Variants in EMID1 observed in about 807,000 individuals in gnomAD.
EMID1 encodes the protein EMI domain containing 1.
In EMID1, 40 loss-of-function variants were observed where a neutral mutation model predicts 60.6. The ratio of observed to expected loss-of-function variants is 0.66; its 90% CI spans 0.51 to 0.86. EMID1 has a LOEUF of 0.86. Ranked by LOEUF, EMID1 falls within the 40% of genes least tolerant of loss-of-function variation. The pLI, the probability that EMID1 is intolerant of heterozygous loss-of-function variation, is 0.00. For synonymous variants in EMID1, 242 were observed against 231.0 expected (o/e 1.05, Z -0.43); for missense variants, 585 against 597.1 (o/e 0.98, Z 0.21).
intron 4 of EMID1, 173 bp from the exon 5 acceptor site, chr22:29,226,317 G>T: frequency 1.7e-6 from 1 of 588,606 alleles, no homozygotes; most frequent in Non-Finnish European, 2.8e-6. Context: ...CATAGGGTGA[G>T]GTCCCCCTGG....
intron 14 of EMID1, among the ~76,000 whole-genome samples, chr22:29,255,817 G>A (rs1487776305): frequency 6.6e-6 from 1 of 152,168 alleles, no homozygotes; most frequent in Non-Finnish European, 1.5e-5. Flanking sequence ...GCAAGGATCT[G>A]GGGAGAGTGA....
chr22:29,230,309 G>T (rs1241912465), intron 5 of EMID1, among the ~76,000 whole-genome samples: 1 of 151,488 alleles, frequency 6.6e-6, no homozygotes, highest in African/African-American at 2.4e-5. Context: ...CTCCAGCCTG[G>T]GCAACAGAGC....
intron 14 of EMID1, chr22:29,255,397 C>A: frequency 7.2e-7 from 1 of 1,390,074 alleles, no homozygotes. Context: ...GCAGCCTCTT[C>A]CAGGAAGGGC....
Position 29,233,637 on chromosome 22 carries a change from A to C in EMID1, c.937A>C (p.Thr313Pro). 6.2e-7 allele frequency: 1 copy of C among 1,613,950 alleles called. No individual in the cohort carries two copies. Among genetic ancestry groups the C allele is most frequent in the African/African-American group, 1.3e-5 (1 of 75,030 alleles). The change falls in exon 10 of 15, where the codon ACA becomes CCA. Residue 313 changes from threonine (T) to proline (P), a missense_variant. Physicochemically the swap from Thr to Pro is conservative, Grantham distance 38 (BLOSUM62 -1). Transcript: ENST00000334018. Reference sequence around the variant, plus strand: ...AGGTCCCCCTGGGCCTCCTGGCCCCACAGGTGTCCCTGGGAGTCCTGGTCA... The same window carrying C: ...AGGTCCCCCTGGGCCTCCTGGCCCCCCAGGTGTCCCTGGGAGTCCTGGTCA... ...PMGPPGPPGP[T>P]GVPGSPGHIG...
intron 13 of EMID1, among the ~76,000 whole-genome samples, chr22:29,244,755 G>A (rs996789814): frequency 2.0e-4 from 25 of 122,942 alleles, no homozygotes; most frequent in African/African-American, 6.0e-4. Context: ...AGACGTGGGG[G>A]AAAGACGAGG....
chr22:29,232,584 C>T, intron 8 of EMID1, 182 bp downstream of exon 8: 1 of 675,752 alleles, frequency 1.5e-6, no homozygotes, highest in Non-Finnish European at 2.3e-6. Flanking sequence ...ACACTGAGGA[C>T]CAGAGAGGGA....
chr22:29,245,370 G>C (rs774041872), intron 13 of EMID1, among the ~76,000 whole-genome samples: 2 of 152,198 alleles, frequency 1.3e-5, no homozygotes, highest in Non-Finnish European at 2.9e-5. Flanking sequence ...GGGCAGTCCT[G>C]TCCCTTCATG....
At chr22:29,233,041 T>G in intron 8 of EMID1, 1 of 338,464 alleles carries the variant, frequency 3.0e-6, no homozygotes, top group Non-Finnish European at 5.6e-6. Flanking sequence ...GTAACATCCA[T>G]GTACAGAAGC....
At chr22:29,215,688 C>A in intron 3 of EMID1, 58 bp downstream of exon 3, 1 of 1,375,090 alleles carries the variant, frequency 7.3e-7, no homozygotes, top group Non-Finnish European at 1.0e-6. Context: ...TGCCTCCCTG[C>A]AGGTGCATGG....
chr22:29,232,625 C>T (rs115104475), intron 8 of EMID1: 75 of 535,438 alleles, frequency 1.4e-4, no homozygotes, highest in African/African-American at 5.9e-4. Flanking sequence ...ACAGCCTGGG[C>T]GTAGGGGAAC....
At chr22:29,219,909 A>G (rs946080701) in intron 3 of EMID1, among the ~76,000 whole-genome samples, 2 of 152,150 alleles carry the variant, frequency 1.3e-5, no homozygotes, top group African/African-American at 4.8e-5. Flanking sequence ...CATCTTAACC[A>G]GGTTCCAGGT....
At chr22:29,226,066 C>T (rs1008233834) in intron 4 of EMID1, among the ~76,000 whole-genome samples, 5 of 151,910 alleles carry the variant, frequency 3.3e-5, no homozygotes, top group South Asian at 4.2e-4. Flanking sequence ...GGACAAGTCA[C>T]GCGGGACAGT....
At chr22:29,223,200 G>A (rs2040364342) in intron 3 of EMID1, among the ~76,000 whole-genome samples, 1 of 152,234 alleles carries the variant, frequency 6.6e-6, no homozygotes, top group African/African-American at 2.4e-5. Flanking sequence ...TGGGGCTGAT[G>A]TTCCAGCCAG....
At position 29,238,254 on chromosome 22, in the gene EMID1, AATTATTATTATTATTATTATT is replaced by A. The variant is rs3066719; in HGVS notation, c.1074+3934_1074+3954del. Among the ~76,000 whole-genome samples, 55 of 116,648 alleles carry A rather than the reference AATTATTATTATTATTATTATT, an allele frequency of 4.7e-4. 5 individuals carry two copies. Among genetic ancestry groups the A allele is most frequent in the African/African-American group, 1.3e-3 (34 of 26,516 alleles). 76.5% of individuals were successfully genotyped at this position (116,648 alleles called of 152,430 possible). ...TTTGATTCTCTGAAGTTTTTCTAAA[AATTATTATTATTATTATTATT>A]ATTATTATTATTATTATTATTATTA... On this transcript the variant is annotated intron_variant, in intron 12 of 14. Transcript: ENST00000334018.
chr22:29,225,355 A>G, intron 4 of EMID1, 139 bp downstream of exon 4: 1 of 889,614 alleles, frequency 1.1e-6, no homozygotes, highest in Non-Finnish European at 1.7e-6. Flanking sequence ...TTCCCACCCC[A>G]TGCTCCCCAG....
At chr22:29,214,846 C>A (rs570490032) in intron 1 of EMID1, 80 bp from the exon 2 acceptor site, 8 of 1,011,610 alleles carry the variant, frequency 7.9e-6, no homozygotes, top group Non-Finnish European at 1.1e-5. Flanking sequence ...AGAACACGGA[C>A]GTCCTCACCC....
chr22:29,255,819 G>A (rs2041686231), intron 14 of EMID1, among the ~76,000 whole-genome samples: 1 of 152,170 alleles, frequency 6.6e-6, no homozygotes, highest in Non-Finnish European at 1.5e-5. Context: ...AAGGATCTGG[G>A]GAGAGTGAAC....
chr22:29,215,124 G>A lies in EMID1; in HGVS notation c.215+85G>A, dbSNP rs181753086. 1.5e-4 allele frequency: 222 copies of A among 1,452,558 alleles called. No homozygotes were observed. In the African/African-American group the frequency reaches 2.7e-3, roughly 18 times the overall value. 90.0% of individuals were successfully genotyped at this position (1,452,558 alleles called of 1,614,324 possible). ...GCCTGGTTGGGGGACTGCATGGGGA[G>A]TGTGGGGGAAGACTGGACCCCAGGG... On this transcript the variant is annotated intron_variant, in intron 2 of 14. Coordinates refer to ENST00000334018, the MANE Select transcript of EMID1 (RefSeq NM_133455.4).
intron 7 of EMID1, 40 bp downstream of exon 7, chr22:29,231,722 TC>T: frequency 7.0e-7 from 1 of 1,422,586 alleles, no homozygotes; most frequent in South Asian, 1.6e-5. Context: ...CCTCTGGCCA[TC>T]CCCTCCACCA....
Sources: gnomAD v4.1 joint callset for allele counts (sites outside exome capture counted in the v4.1 genomes callset) on GRCh38, gnomAD v4.1.1 for gene constraint, MANE v1.5 for transcripts, NCBI Gene and HGNC (gene_info 2026-07-23, HGNC 2026-07-21) for gene names.